Variants in SNTB2 observed in about 807,000 individuals in gnomAD.
SNTB2 encodes the protein beta-2-syntrophin.
In SNTB2, 34 loss-of-function variants were observed where a neutral mutation model predicts 46.2. The ratio of observed to expected loss-of-function variants is 0.74; its 90% CI spans 0.56 to 0.98. SNTB2 has a LOEUF of 0.98. Ranked by LOEUF, SNTB2 falls within the 50% of genes least tolerant of loss-of-function variation. The pLI is 0.00. For synonymous variants in SNTB2, 290 were observed against 312.6 expected (o/e 0.93, Z 0.76); for missense variants, 603 against 731.4 (o/e 0.82, Z 2.02).
chr16:69,257,931 G>T (rs1964794886), intron 2 of SNTB2, among the ~76,000 whole-genome samples: 1 of 152,158 alleles, frequency 6.6e-6, no homozygotes, highest in South Asian at 2.1e-4. Context: ...CATGTAGTAG[G>T]TGCTCAATAA....
intron 5 of SNTB2, among the ~76,000 whole-genome samples, chr16:69,291,267 G>C (rs1965156664): frequency 6.6e-6 from 1 of 152,156 alleles, no homozygotes; most frequent in South Asian, 2.1e-4. Flanking sequence ...ACAGTCCTAT[G>C]GCTGCTAGAG....
chr16:69,213,683 A>G (rs1032395378), intron 1 of SNTB2, among the ~76,000 whole-genome samples: 18 of 150,616 alleles, frequency 1.2e-4, no homozygotes, highest in South Asian at 1.1e-3. Flanking sequence ...TATTTTTAGT[A>G]GAGATGGGGT....
Position 69,303,847 on chromosome 16 carries a change from C to T in SNTB2, c.*2923C>T, listed in dbSNP as rs1284151580. On this transcript the variant is annotated 3_prime_UTR_variant, in exon 7 of 7. Transcript: ENST00000336278. The stretch of plus-strand genomic sequence containing the variant: ...CAAATGGGAATTTTCGATATTCTAC[C>T]TTTTTTATAGAACCAGCTCACTTTT... 3 of 152,616 alleles carry T rather than the reference C, an allele frequency of 2.0e-5. No homozygotes were observed. Among genetic ancestry groups the T allele is most frequent in the South Asian group, 2.1e-4 (1 of 4,818 alleles). 9.5% of individuals were successfully genotyped at this position (152,616 alleles called of 1,614,324 possible).
At chr16:69,270,378 A>G (rs1326926247) in intron 4 of SNTB2, 93 bp downstream of exon 4, 1 of 1,486,798 alleles carries the variant, frequency 6.7e-7, no homozygotes, top group East Asian at 2.3e-5. Flanking sequence ...TTAGGTGCCT[A>G]AAAGAGCATT....
chr16:69,251,171 G>C (rs1964722055), intron 2 of SNTB2, among the ~76,000 whole-genome samples: 1 of 150,692 alleles, frequency 6.6e-6, no homozygotes, highest in Admixed American at 6.6e-5. Context: ...GTAGAGACGG[G>C]GTTTCACCGT....
At position 69,304,603 on chromosome 16, in the gene SNTB2, T is replaced by A. The variant is rs1965301895; in HGVS notation, c.*3679T>A. ...TAATTTATCCTCCTAAGTTGAATGG[T>A]AACAAAGCTTTTCCAGCTGAATGAA... On this transcript the variant is annotated 3_prime_UTR_variant, in exon 7 of 7. Coordinates refer to ENST00000336278, the MANE Select transcript of SNTB2 (RefSeq NM_006750.4). 6.6e-6 allele frequency: 1 copy of A among 152,308 alleles called. No homozygotes were observed. The highest frequency in any genetic ancestry group is 1.5e-5 in the Non-Finnish European group (1 of 68,046). 9.4% of individuals were successfully genotyped at this position (152,308 alleles called of 1,614,324 possible).
At chr16:69,195,445 T>A (rs78578565) in intron 1 of SNTB2, among the ~76,000 whole-genome samples, 2 of 145,252 alleles carry the variant, frequency 1.4e-5, no homozygotes, top group African/African-American at 5.1e-5. Context: ...TGGTTTGCAT[T>A]TTTTTTTTTT....
In SNTB2 at chr16:69,202,598, C is replaced by T. The variant is rs146372065; in HGVS notation, c.580+14852C>T. Among the ~76,000 whole-genome samples, 346 of 151,448 alleles carry T rather than the reference C, an allele frequency of 2.3e-3. 3 individuals carry two copies. The highest frequency in any genetic ancestry group is 4.1e-3 in the Non-Finnish European group (280 of 67,870). On this transcript the variant is annotated intron_variant, in intron 1 of 6. Coordinates refer to ENST00000336278, the MANE Select transcript of SNTB2 (RefSeq NM_006750.4). ...TTTTTTATTTTTTATTTTTTTGAGA[C>T]GACGTCTCGCTCTGTCTCCCAGGCT...
intron 2 of SNTB2, among the ~76,000 whole-genome samples, chr16:69,248,322 A>G (rs1964690755): frequency 6.6e-6 from 1 of 152,186 alleles, no homozygotes; most frequent in Non-Finnish European, 1.5e-5. Context: ...GGAATTTTAT[A>G]TTCTTTTCAT....
rs530490249 is a variant in SNTB2, at chr16:69,307,857, A to T, written c.*6933A>T. 1.9e-4 allele frequency: 29 copies of T among 152,292 alleles called. No individual in the cohort carries two copies. The highest frequency in any genetic ancestry group is 4.3e-4 in the African/African-American group (18 of 41,552). The allele number at this position is 152,292 out of a possible 1,614,324, so 9.4% of individuals were successfully genotyped here. On this transcript the variant is annotated 3_prime_UTR_variant, in exon 7 of 7. Transcript: ENST00000336278. ...TTAACAAAATTTCACTTATTCCAGG[A>T]CACGCTGGCATTTGGACTCAATGAA...
At position 69,303,927 on chromosome 16, in the gene SNTB2, T is replaced by G. The variant is rs1965296200; in HGVS notation, c.*3003T>G. On this transcript the variant is annotated 3_prime_UTR_variant, in exon 7 of 7. Transcript: ENST00000336278. The stretch of plus-strand genomic sequence containing the variant: ...TTGTTGAGGATGTGGTGGGTTCCAG[T>G]GTGTGGAATGGAAAGGAAACTGCAG... The G allele has an allele frequency of 6.6e-6, 1 of 152,208 alleles. No individual in the cohort carries two copies. 9.4% of individuals were successfully genotyped at this position (152,208 alleles called of 1,614,324 possible).
intron 2 of SNTB2, among the ~76,000 whole-genome samples, chr16:69,257,590 C>T (rs1026648143): frequency 1.3e-5 from 2 of 151,898 alleles, no homozygotes; most frequent in Admixed American, 6.6e-5. Context: ...GGACTACAGG[C>T]GCCCACCACC....
intron 3 of SNTB2, among the ~76,000 whole-genome samples, chr16:69,260,952 G>C (rs1331352346): frequency 6.6e-6 from 1 of 152,086 alleles, no homozygotes; most frequent in Non-Finnish European, 1.5e-5. Context: ...TGAAAACCCA[G>C]GTTATTTTAG....
chr16:69,228,809 C>G (rs576175998), intron 1 of SNTB2, among the ~76,000 whole-genome samples: 24 of 152,014 alleles, frequency 1.6e-4, no homozygotes, highest in Non-Finnish European at 3.4e-4. Flanking sequence ...TCATTTAATC[C>G]CCCACAACAG....
At chr16:69,270,343 G>C in intron 4 of SNTB2, 58 bp downstream of exon 4, 4 of 1,593,308 alleles carry the variant, frequency 2.5e-6, no homozygotes, top group Non-Finnish European at 3.4e-6. Context: ...ATCTACAAAA[G>C]AATTTTAAAG....
chr16:69,267,466 G>A (rs1002841157), intron 3 of SNTB2, among the ~76,000 whole-genome samples: 1 of 152,214 alleles, frequency 6.6e-6, no homozygotes, highest in African/African-American at 2.4e-5. Context: ...ATCCAAAAAT[G>A]TATGAGTCTA....
rs145051194 is a variant in SNTB2 at position 69,233,784 on chromosome 16, G to A, written c.581-11818G>A. ...GGCCAGAAGTTCAAGACCATCCTTG[G>A]CAACATAGCAAGACCCCACTGTCTC... is the stretch of plus-strand genomic sequence containing the variant. On this transcript the variant is annotated intron_variant, in intron 1 of 6. Transcript: ENST00000336278. 6.7e-3 allele frequency among the ~76,000 whole-genome samples: 1,016 copies of A among 151,914 alleles called. 7 individuals carry two copies. Among genetic ancestry groups the A allele is most frequent in the Non-Finnish European group, 0.011 (751 of 67,962 alleles).
chr16:69,203,251 CA>C (rs1462780818), intron 1 of SNTB2, among the ~76,000 whole-genome samples: 4 of 151,990 alleles, frequency 2.6e-5, no homozygotes, highest in Non-Finnish European at 5.9e-5. Context: ...CTCCTGACCT[CA>C]GGTGATCTGC....
intron 4 of SNTB2, among the ~76,000 whole-genome samples, chr16:69,275,849 T>C (rs1021720289): frequency 3.9e-5 from 6 of 152,186 alleles, no homozygotes; most frequent in African/African-American, 1.4e-4. Context: ...AAAAAGTAGA[T>C]AACTCCTGAA....
Sources: gnomAD v4.1 joint callset for allele counts (sites outside exome capture counted in the v4.1 genomes callset) on GRCh38, gnomAD v4.1.1 for gene constraint, MANE v1.5 for transcripts, NCBI Gene and HGNC (gene_info 2026-07-23, HGNC 2026-07-21) for gene names.